The following GALNTL6 variants were observed in gnomAD, a reference collection of about 807,000 sequenced individuals.
GALNTL6 encodes polypeptide N-acetylgalactosaminyltransferase like 6.
GALNTL6 carries 46 observed loss-of-function variants against 73.7 expected under a neutral mutation model. That is an observed-to-expected ratio of 0.62 (90% confidence interval 0.49 to 0.80). The LOEUF is 0.80. Among genes scored for constraint, GALNTL6 ranks in the 30% least tolerant of loss-of-function variants. The probability of loss-of-function intolerance (pLI) is 0.00; values close to 1 mark genes in which losing one functional copy is unlikely to be tolerated. For missense variants in GALNTL6, 604 were observed against 755.0 expected (o/e 0.80, Z 2.34); for synonymous variants, 259 against 263.7 (o/e 0.98, Z 0.17).
intron 2 of GALNTL6, among the ~76,000 whole-genome samples, chr4:172,135,539 C>G (rs768837718): frequency 6.6e-6 from 1 of 152,084 alleles, no homozygotes; most frequent in Admixed American, 6.6e-5. Context: ...AATTGAGAAG[C>G]AAACTTCTAC....
chr4:171,984,027 G>C (rs1739993030), intron 2 of GALNTL6, among the ~76,000 whole-genome samples: 2 of 152,132 alleles, frequency 1.3e-5, no homozygotes, highest in South Asian at 4.1e-4. Context: ...CCCCAGCCCG[G>C]GCTGTTAACT....
intron 2 of GALNTL6, among the ~76,000 whole-genome samples, chr4:171,938,582 T>C (rs1364644690): frequency 6.6e-6 from 1 of 152,174 alleles, no homozygotes; most frequent in Non-Finnish European, 1.5e-5. Context: ...TGAATAAATA[T>C]AACCTGCACA....
chr4:172,568,737 C>G (rs1347587319), intron 5 of GALNTL6, among the ~76,000 whole-genome samples: 2 of 111,102 alleles, frequency 1.8e-5, no homozygotes, highest in South Asian at 3.0e-4. Context: ...CAGCCTGGGC[C>G]ACAGAGCGAG....
intron 2 of GALNTL6, among the ~76,000 whole-genome samples, chr4:171,944,340 T>C (rs1738639742): frequency 6.6e-6 from 1 of 151,986 alleles, no homozygotes; most frequent in Admixed American, 6.6e-5. Flanking sequence ...CTACTTTCCT[T>C]AGGATATTGC....
chr4:172,128,351 A>G (rs1162247466), intron 2 of GALNTL6, among the ~76,000 whole-genome samples: 2 of 152,208 alleles, frequency 1.3e-5, no homozygotes, highest in African/African-American at 2.4e-5. Context: ...AGATTTTACC[A>G]TGTAGATAAA....
At chr4:172,570,914 A>G (rs1017170425) in intron 5 of GALNTL6, among the ~76,000 whole-genome samples, 4 of 152,154 alleles carry the variant, frequency 2.6e-5, no homozygotes, top group African/African-American at 9.7e-5. Flanking sequence ...AGCGCAATCT[A>G]GATCCCTCTC....
chr4:172,580,347 G>T (rs191424153), intron 5 of GALNTL6, among the ~76,000 whole-genome samples: 2 of 152,226 alleles, frequency 1.3e-5, no homozygotes, highest in African/African-American at 2.4e-5. Flanking sequence ...AAATTATCAA[G>T]ATTGACTAAA....
At chr4:172,897,952 G>C (rs1746416113) in intron 8 of GALNTL6, among the ~76,000 whole-genome samples, 1 of 152,170 alleles carries the variant, frequency 6.6e-6, no homozygotes, top group Non-Finnish European at 1.5e-5. Flanking sequence ...TTGCAGGGAG[G>C]AAACTTGGTA....
chr4:172,898,688 G>T, intron 8 of GALNTL6, among the ~76,000 whole-genome samples: 1 of 152,248 alleles, frequency 6.6e-6, no homozygotes, highest in East Asian at 1.9e-4. Context: ...CTTTTAAAAT[G>T]TATGCATAAA....
chr4:172,968,013 G>A (rs1200683713), intron 10 of GALNTL6, among the ~76,000 whole-genome samples: 1 of 152,094 alleles, frequency 6.6e-6, no homozygotes, highest in Non-Finnish European at 1.5e-5. Flanking sequence ...TAAAAGCATG[G>A]CAACGCCATG....
chr4:172,485,048 A>G (rs1430238366), intron 5 of GALNTL6, among the ~76,000 whole-genome samples: 1 of 152,306 alleles, frequency 6.6e-6, no homozygotes, highest in Middle Eastern at 3.4e-3. Flanking sequence ...TTTTTATTTA[A>G]TAAAATAAGT....
chr4:171,915,841 C>A (rs1324516575), intron 2 of GALNTL6, among the ~76,000 whole-genome samples: 2 of 152,020 alleles, frequency 1.3e-5, no homozygotes, highest in African/African-American at 2.4e-5. Context: ...CTGCTTTTTC[C>A]CAACACTTGG....
At chr4:172,469,280 G>T (rs1476820585) in intron 5 of GALNTL6, among the ~76,000 whole-genome samples, 1 of 152,126 alleles carries the variant, frequency 6.6e-6, no homozygotes, top group African/African-American at 2.4e-5. Context: ...CAGAATCGCT[G>T]CCTTAACAAA....
At chr4:172,203,749 T>C (rs1264257926) in intron 2 of GALNTL6, among the ~76,000 whole-genome samples, 1 of 152,140 alleles carries the variant, frequency 6.6e-6, no homozygotes, top group Non-Finnish European at 1.5e-5. Context: ...TTTTTTTTTA[T>C]AATTTATTTT....
chr4:172,032,750 CA>C (rs1337667482), intron 2 of GALNTL6, among the ~76,000 whole-genome samples: 2 of 151,534 alleles, frequency 1.3e-5, no homozygotes, highest in Non-Finnish European at 2.9e-5. Flanking sequence ...TGTTTTTTTC[CA>C]AAAAATAGAA....
At chr4:172,153,504 A>C (rs975424050) in intron 2 of GALNTL6, among the ~76,000 whole-genome samples, 4 of 152,234 alleles carry the variant, frequency 2.6e-5, no homozygotes, top group African/African-American at 9.6e-5. Flanking sequence ...GTTACAAAAA[A>C]AGATGAAGTC....
chr4:172,735,228 A>C (rs1736391861), intron 5 of GALNTL6, among the ~76,000 whole-genome samples: 1 of 152,198 alleles, frequency 6.6e-6, no homozygotes, highest in Non-Finnish European at 1.5e-5. Context: ...TGTACCCTGC[A>C]AAGCCACAGG....
chr4:171,924,388 A>T (rs2065083560), intron 2 of GALNTL6, among the ~76,000 whole-genome samples: 1 of 152,168 alleles, frequency 6.6e-6, no homozygotes, highest in Non-Finnish European at 1.5e-5. Flanking sequence ...GAGGTGAGGG[A>T]GCTAGTTACA....
chr4:172,010,762 A>G (rs1740982995), intron 2 of GALNTL6, among the ~76,000 whole-genome samples: 1 of 152,062 alleles, frequency 6.6e-6, no homozygotes. Flanking sequence ...TCAATATTAT[A>G]ATCAAAGAGA....
Sources: allele counts gnomAD v4.1 joint callset (sites outside exome capture counted in the v4.1 genomes callset), GRCh38; gene constraint gnomAD v4.1.1; transcripts MANE v1.5; gene names NCBI Gene and HGNC (gene_info 2026-07-23, HGNC 2026-07-21).